CNOT6: variants seen among roughly 807,000 people sequenced by gnomAD.
CNOT6 encodes carbon catabolite repression 4 protein.
Under a neutral mutation model 61.2 loss-of-function variants are expected in CNOT6, and 12 were observed. The ratio of observed to expected loss-of-function variants is 0.20; its 90% CI spans 0.13 to 0.32. CNOT6 has a LOEUF of 0.32. CNOT6 is among the 10% of genes least tolerant of loss of function. The pLI is 1.00. For synonymous variants in CNOT6, 225 were observed against 240.6 expected (o/e 0.94, Z 0.60); for missense variants, 405 against 663.9 (o/e 0.61, Z 4.28).
At chr5:180,555,794 T>A (rs1759853762) in intron 4 of CNOT6, among the ~76,000 whole-genome samples, 1 of 152,228 alleles carries the variant, frequency 6.6e-6, no homozygotes. Flanking sequence ...TGTTTGCTAT[T>A]ATACGTCATA....
At chr5:180,544,301 A>G (rs576724447) in intron 2 of CNOT6, among the ~76,000 whole-genome samples, 17 of 152,230 alleles carry the variant, frequency 1.1e-4, no homozygotes, top group Admixed American at 6.5e-4. Context: ...AGCTTCCCAT[A>G]TAAGTTGGTG....
intron 1 of CNOT6, among the ~76,000 whole-genome samples, chr5:180,527,967 G>T (rs1488366771): frequency 6.6e-6 from 1 of 152,148 alleles, no homozygotes; most frequent in African/African-American, 2.4e-5. Flanking sequence ...CTAATGCTTG[G>T]TGATCTGAGA....
At chr5:180,509,774 G>C (rs529996455) in intron 1 of CNOT6, among the ~76,000 whole-genome samples, 54 of 151,052 alleles carry the variant, frequency 3.6e-4, no homozygotes, top group East Asian at 2.5e-3. Context: ...TGGAACTCCT[G>C]GGCTGAAGTG....
intron 2 of CNOT6, among the ~76,000 whole-genome samples, chr5:180,531,564 C>G (rs1455896341): frequency 1.3e-5 from 2 of 151,260 alleles, no homozygotes; most frequent in Admixed American, 1.3e-4. Flanking sequence ...AGAGACGCTC[C>G]TCACTTCCCA....
In CNOT6 at chr5:180,538,694, A is replaced by ATG. The variant is rs1243878403; in HGVS notation, c.112+9307_112+9308insGT. On this transcript the variant is annotated intron_variant, in intron 2 of 11. Transcript: ENST00000261951. ...CTCTGTCTGAGAAAAAGGTATATAT[A>ATG]TATATATATATATATATATATACAA... Among the ~76,000 whole-genome samples, 50 of 37,878 alleles carry ATG rather than the reference A, an allele frequency of 1.3e-3. 2 individuals are homozygous for ATG. The highest frequency in any genetic ancestry group is 3.2e-3 in the South Asian group (4 of 1,266). The allele number at this position is 37,878 out of a possible 152,430, so 24.8% of individuals were successfully genotyped here.
chr5:180,529,976 T>A (rs1758279357), intron 2 of CNOT6, among the ~76,000 whole-genome samples: 2 of 152,244 alleles, frequency 1.3e-5, no homozygotes. Context: ...CCCTCAGATG[T>A]GAAGGATATC....
rs898176439 is a variant in CNOT6 at position 180,576,107 on chromosome 5, T to G, written c.*1907T>G. The G allele has an allele frequency of 6.6e-6, 1 of 152,654 alleles. No individual in the cohort carries two copies. The highest frequency in any genetic ancestry group is 1.5e-5 in the Non-Finnish European group (1 of 68,050). The allele number at this position is 152,654 out of a possible 1,614,324, so 9.5% of individuals were successfully genotyped here. A position where few individuals can be genotyped will look rare whatever the true frequency, so the allele number is the denominator to read the frequency against. Reference sequence around the variant, plus strand: ...GTACATTGGAAAGCTGGTATTGATGTAGAACCAGTGCATAACTTTTTATGG... The same window carrying G: ...GTACATTGGAAAGCTGGTATTGATGGAGAACCAGTGCATAACTTTTTATGG... On this transcript the variant is annotated 3_prime_UTR_variant, in exon 12 of 12. Transcript: ENST00000261951.
rs1336006803 is a variant in CNOT6 at position 180,576,999 on chromosome 5, C to T, written c.*2799C>T. ...GCACCCAAATCCTTGTCGCCAATCTCCTGAAGTACAGCTTTACCATATTAG... is the reference window on the plus strand; with the variant it reads ...GCACCCAAATCCTTGTCGCCAATCTTCTGAAGTACAGCTTTACCATATTAG... On this transcript the variant is annotated 3_prime_UTR_variant, in exon 12 of 12. Coordinates refer to ENST00000261951, the MANE Select transcript of CNOT6 (RefSeq NM_001370472.1). 6.6e-6 allele frequency: 1 copy of T among 152,492 alleles called. No homozygotes were observed. Among genetic ancestry groups the T allele is most frequent in the African/African-American group, 2.4e-5 (1 of 41,418 alleles). The allele number at this position is 152,492 out of a possible 1,614,324, so 9.4% of individuals were successfully genotyped here. A position where few individuals can be genotyped will look rare whatever the true frequency, so the allele number is the denominator to read the frequency against.
At chr5:180,507,240 C>G (rs1003187570) in intron 1 of CNOT6, among the ~76,000 whole-genome samples, 2 of 152,194 alleles carry the variant, frequency 1.3e-5, no homozygotes, top group Admixed American at 6.5e-5. Context: ...TCAAGTCAAA[C>G]TCAACTTACT....
intron 1 of CNOT6, among the ~76,000 whole-genome samples, chr5:180,499,780 A>G (rs1756779874): frequency 1.3e-5 from 2 of 152,358 alleles, no homozygotes; most frequent in South Asian, 4.1e-4. Flanking sequence ...GCTTGTGGAA[A>G]GGGATGTCAG....
At chr5:180,572,854 C>T (rs187869568) in intron 11 of CNOT6, among the ~76,000 whole-genome samples, 29 of 152,316 alleles carry the variant, frequency 1.9e-4, no homozygotes, top group Admixed American at 7.2e-4. Flanking sequence ...CCACATCTGG[C>T]TCAGCTGCCC....
chr5:180,576,935 T>C lies in CNOT6; in HGVS notation c.*2735T>C, dbSNP rs766950787. On this transcript the variant is annotated 3_prime_UTR_variant, in exon 12 of 12. Transcript: ENST00000261951. ...TTTTAGAAATGTCTTACAAAAAGTTTAGGGCATGTTTTCTGTTTTAAAGAC... is the reference window on the plus strand; with the variant it reads ...TTTTAGAAATGTCTTACAAAAAGTTCAGGGCATGTTTTCTGTTTTAAAGAC... The C allele has an allele frequency of 6.6e-6, 1 of 152,278 alleles. No individual in the cohort carries two copies. The highest frequency in any genetic ancestry group is 6.5e-5 in the Admixed American group (1 of 15,276). The allele number at this position is 152,278 out of a possible 1,614,324, so 9.4% of individuals were successfully genotyped here.
intron 2 of CNOT6, among the ~76,000 whole-genome samples, chr5:180,533,756 T>C (rs13187624): frequency 0.25 from 37,987 of 152,106 alleles, 5,815 homozygotes; most frequent in Middle Eastern, 0.41. Context: ...TTTTATAGAT[T>C]TAGGAGGTAT....
intron 11 of CNOT6, among the ~76,000 whole-genome samples, chr5:180,573,603 CCG>C (rs1561669596): frequency 0.026 from 344 of 13,420 alleles, 6 homozygotes; most frequent in East Asian, 0.15. Flanking sequence ...GTGTGTGTGT[CCG>C]TCCGTCCGTC....
At chr5:180,565,751 C>G in intron 6 of CNOT6, 69 bp from the exon 7 acceptor site, 1 of 1,384,472 alleles carries the variant, frequency 7.2e-7, no homozygotes, top group South Asian at 1.4e-5. Context: ...AAGTGAAAAC[C>G]ATTACTGAAA....
intron 2 of CNOT6, among the ~76,000 whole-genome samples, chr5:180,540,700 A>G (rs192816762): frequency 2.7e-3 from 416 of 152,282 alleles, no homozygotes; most frequent in South Asian, 3.7e-3. Context: ...TAAACTTACA[A>G]TGTTTTTATT....
intron 4 of CNOT6, among the ~76,000 whole-genome samples, chr5:180,563,372 G>T (rs1372554316): frequency 6.8e-6 from 1 of 147,680 alleles, no homozygotes; most frequent in African/African-American, 2.5e-5. Flanking sequence ...CCGCCACCAC[G>T]CCTGGCTGTT....
At chr5:180,525,331 G>GT (rs1758052032) in intron 1 of CNOT6, among the ~76,000 whole-genome samples, 1 of 152,100 alleles carries the variant, frequency 6.6e-6, no homozygotes, top group South Asian at 2.1e-4. Flanking sequence ...GAGCCCAGGA[G>GT]TTTGAGACCA....
intron 2 of CNOT6, among the ~76,000 whole-genome samples, chr5:180,531,125 CTT>C: frequency 7.7e-6 from 1 of 130,350 alleles, no homozygotes; most frequent in Non-Finnish European, 1.8e-5. Context: ...GGGCTCCTCA[CTT>C]CCCAGACCGG....
Sources: allele counts gnomAD v4.1 joint callset (sites outside exome capture counted in the v4.1 genomes callset), GRCh38; gene constraint gnomAD v4.1.1; transcripts MANE v1.5; gene names NCBI Gene and HGNC (gene_info 2026-07-23, HGNC 2026-07-21).